The following NUBPL variants were observed in gnomAD, a reference collection of about 807,000 sequenced individuals.
NUBPL encodes the protein iron-sulfur cluster transfer protein NUBPL.
A neutral mutation model predicts 45.7 loss-of-function variants in NUBPL; 31 were observed. That is an observed-to-expected ratio of 0.68 (90% CI 0.51 to 0.92). The LOEUF (loss-of-function observed/expected upper bound fraction) is 0.92, where lower values mean the gene tolerates loss of function less well. NUBPL is among the 40% of genes least tolerant of loss of function. The pLI, the probability that NUBPL is intolerant of heterozygous loss-of-function variation, is 0.00. For synonymous variants in NUBPL, 144 were observed against 140.9 expected (o/e 1.02, Z -0.15); for missense variants, 401 against 398.7 (o/e 1.01, Z -0.05).
intron 6 of NUBPL, among the ~76,000 whole-genome samples, chr14:31,731,255 A>G (rs2139976345): frequency 6.6e-6 from 1 of 152,348 alleles, no homozygotes; most frequent in Admixed American, 6.5e-5. Context: ...ACAGTTCACA[A>G]TGCAATGTGG....
At chr14:31,780,440 G>A (rs1429589293) in intron 6 of NUBPL, among the ~76,000 whole-genome samples, 1 of 152,058 alleles carries the variant, frequency 6.6e-6, no homozygotes, top group African/African-American at 2.4e-5. Flanking sequence ...TCTAAATTTT[G>A]TAGGAATCAA....
intron 9 of NUBPL, among the ~76,000 whole-genome samples, chr14:31,848,403 A>G (rs1332347011): frequency 6.6e-6 from 1 of 152,076 alleles, no homozygotes; most frequent in African/African-American, 2.4e-5. Flanking sequence ...GGGAACCCTT[A>G]TTTGTCCTTT....
chr14:31,580,818 A>G (rs897008262), intron 3 of NUBPL, among the ~76,000 whole-genome samples: 1 of 152,208 alleles, frequency 6.6e-6, no homozygotes, highest in Non-Finnish European at 1.5e-5. Context: ...CCTCATGAAC[A>G]GAATAAACAG....
At chr14:31,732,232 C>T (rs2038067517) in intron 6 of NUBPL, among the ~76,000 whole-genome samples, 2 of 145,656 alleles carry the variant, frequency 1.4e-5, no homozygotes, top group African/African-American at 5.3e-5. Flanking sequence ...ACTGGAAGAC[C>T]CAGGTTCTAG....
intron 7 of NUBPL, among the ~76,000 whole-genome samples, chr14:31,805,732 C>A (rs988640847): frequency 6.6e-6 from 1 of 151,868 alleles, no homozygotes; most frequent in Non-Finnish European, 1.5e-5. Flanking sequence ...AAGAGGGGAA[C>A]AACACACTGG....
intron 4 of NUBPL, among the ~76,000 whole-genome samples, chr14:31,661,618 G>A (rs34971643): frequency 0.29 from 44,667 of 151,918 alleles, 7,456 homozygotes; most frequent in South Asian, 0.4. Flanking sequence ...CTTGGCTCAC[G>A]GCAACCTCTG....
chr14:31,789,064 C>T (rs9322877), intron 7 of NUBPL, among the ~76,000 whole-genome samples: 69,741 of 151,980 alleles, frequency 0.46, 16,357 homozygotes, highest in African/African-American at 0.56. Context: ...CAGTGGCTCA[C>T]GCCTGTAATC....
At chr14:31,769,231 C>T (rs1386629063) in intron 6 of NUBPL, among the ~76,000 whole-genome samples, 23 of 152,128 alleles carry the variant, frequency 1.5e-4, no homozygotes, top group Non-Finnish European at 8.8e-5. Context: ...ATACATAGCT[C>T]ATAGGAGAAG....
intron 6 of NUBPL, among the ~76,000 whole-genome samples, chr14:31,730,788 A>C (rs1412635056): frequency 1.3e-5 from 2 of 152,224 alleles, no homozygotes; most frequent in Non-Finnish European, 2.9e-5. Flanking sequence ...AATTTAGATT[A>C]AGATGGTCCT....
chr14:31,604,191 A>C (rs1221539328), intron 4 of NUBPL, among the ~76,000 whole-genome samples: 1 of 152,094 alleles, frequency 6.6e-6, no homozygotes, highest in East Asian at 1.9e-4. Context: ...AAAAAAAAAA[A>C]AAAAACACTT....
intron 4 of NUBPL, among the ~76,000 whole-genome samples, chr14:31,666,263 AAT>A (rs1445992535): frequency 8.3e-4 from 93 of 111,530 alleles, no homozygotes; most frequent in South Asian, 1.5e-3. Flanking sequence ...ATATATATAT[AAT>A]TTTATTTTAT....
chr14:31,814,184 C>T (rs2039870793), intron 7 of NUBPL, among the ~76,000 whole-genome samples: 1 of 152,202 alleles, frequency 6.6e-6, no homozygotes, highest in South Asian at 2.1e-4. Flanking sequence ...TCCACAACCT[C>T]TCCAGCATCT....
chr14:31,593,373 G>C (rs926777304), intron 3 of NUBPL, among the ~76,000 whole-genome samples: 2 of 151,830 alleles, frequency 1.3e-5, no homozygotes, highest in African/African-American at 4.9e-5. Flanking sequence ...AATTAGCCGG[G>C]TGTGCTGGGG....
chr14:31,829,106 C>T (rs2040150238), intron 8 of NUBPL, among the ~76,000 whole-genome samples: 1 of 152,158 alleles, frequency 6.6e-6, no homozygotes, highest in South Asian at 2.1e-4. Context: ...TAGAGCAGTT[C>T]TGGGTCATGA....
chr14:31,755,476 T>G (rs2038638607), intron 6 of NUBPL, among the ~76,000 whole-genome samples: 1 of 152,248 alleles, frequency 6.6e-6, no homozygotes, highest in Non-Finnish European at 1.5e-5. Context: ...TCATGTGTTT[T>G]TTGGCTTCAT....
chr14:31,788,219 A>C (rs980149087), intron 7 of NUBPL, among the ~76,000 whole-genome samples: 1 of 152,184 alleles, frequency 6.6e-6, no homozygotes, highest in African/African-American at 2.4e-5. Context: ...TAGTAGCAGC[A>C]AGGGTTCAGT....
chr14:31,725,537 A>G (rs2037901367), intron 6 of NUBPL, among the ~76,000 whole-genome samples: 1 of 152,126 alleles, frequency 6.6e-6, no homozygotes, highest in Non-Finnish European at 1.5e-5. Flanking sequence ...TATACACTTT[A>G]TACACATAGC....
intron 7 of NUBPL, among the ~76,000 whole-genome samples, chr14:31,816,621 TA>T (rs1595672222): frequency 6.6e-6 from 1 of 152,172 alleles, no homozygotes; most frequent in East Asian, 1.9e-4. Flanking sequence ...ATTGTGATGT[TA>T]GGGTGTCGAT....
chr14:31,831,406 C>G (rs1388460177), intron 8 of NUBPL, among the ~76,000 whole-genome samples: 1 of 151,896 alleles, frequency 6.6e-6, no homozygotes, highest in African/African-American at 2.4e-5. Context: ...TACTCCTTTT[C>G]TAACTGTTTT....
Sources: gnomAD v4.1 joint callset for allele counts (sites outside exome capture counted in the v4.1 genomes callset) on GRCh38, gnomAD v4.1.1 for gene constraint, MANE v1.5 for transcripts, NCBI Gene and HGNC (gene_info 2026-07-23, HGNC 2026-07-21) for gene names.